NAV1: variants seen among roughly 807,000 people sequenced by gnomAD.
The protein encoded by NAV1 is neuron navigator 1.
NAV1 carries 18 observed loss-of-function variants against 175.2 expected under a neutral mutation model. The ratio of observed to expected loss-of-function variants is 0.10; its 90% CI spans 0.07 to 0.15. The LOEUF is 0.15. Ranked by LOEUF, NAV1 falls within the 10% of genes least tolerant of loss-of-function variation. The probability of loss-of-function intolerance (pLI) is 1.00; values close to 1 mark genes in which losing one functional copy is unlikely to be tolerated. For synonymous variants in NAV1, 897 were observed against 978.7 expected, an observed-to-expected ratio of 0.92 and a Z score of 1.56; for missense variants, 1,731 against 2,436.6, an observed-to-expected ratio of 0.71 and a Z score of 6.10.
chr1:201,782,818 C>A lies in NAV1; in HGVS notation c.2306C>A (p.Ala769Glu), dbSNP rs1676420276. Residue 769 changes from alanine to glutamate, a missense_variant, in exon 6 of 30, where the codon GCA becomes GAA. By Grantham distance (107) the Ala-to-Glu change is moderately radical. Around this residue, in one of 13 missense-constraint regions of NAV1, gnomAD observed 634 missense variants for 766.8 expected, o/e 0.83. Transcript: ENST00000367296. The surrounding 1 kb of genome is among the most constrained non-coding windows in gnomAD (Gnocchi z 5.4). Reference sequence around the variant, plus strand: ...CCAGAAAGTACTCCCAAGAACCAAGCAAGCCACCCCACAGCCACCAAGCTG... The same window carrying A: ...CCAGAAAGTACTCCCAAGAACCAAGAAAGCCACCCCACAGCCACCAAGCTG... 1 of 1,605,062 alleles carries A rather than the reference C, an allele frequency of 6.2e-7. No homozygotes were observed. Among genetic ancestry groups the A allele is most frequent in the Non-Finnish European group, 8.5e-7 (1 of 1,174,266 alleles).
At chr1:201,672,381 C>T (rs778736850) in intron 1 of NAV1, among the ~76,000 whole-genome samples, 3 of 152,168 alleles carry the variant, frequency 2.0e-5, no homozygotes, top group Non-Finnish European at 2.9e-5. Context: ...TGAAAAGTCC[C>T]TGGCCTAAAA....
intron 2 of NAV1, among the ~76,000 whole-genome samples, chr1:201,608,457 T>C (rs1195248962): frequency 6.6e-6 from 1 of 152,176 alleles, no homozygotes; most frequent in Non-Finnish European, 1.5e-5. Context: ...GATCAGCCCT[T>C]CAAGGCAGAG....
intron 1 of NAV1, among the ~76,000 whole-genome samples, chr1:201,707,553 T>A (rs1051193519): frequency 6.6e-6 from 1 of 152,220 alleles, no homozygotes; most frequent in Non-Finnish European, 1.5e-5. Flanking sequence ...AAGGACTATG[T>A]TCTTGCCACT....
At chr1:201,665,515 T>A (rs1476080167) in intron 1 of NAV1, among the ~76,000 whole-genome samples, 1 of 151,974 alleles carries the variant, frequency 6.6e-6, no homozygotes, top group Non-Finnish European at 1.5e-5. Flanking sequence ...AGATGCAGAA[T>A]AATCTTTGAA....
chr1:201,606,662 T>A (rs1027544079), intron 2 of NAV1, among the ~76,000 whole-genome samples: 1 of 152,238 alleles, frequency 6.6e-6, no homozygotes, highest in Non-Finnish European at 1.5e-5. Context: ...AGTTCACTTG[T>A]TATTATCTGT....
chr1:201,646,595 A>G (rs1318848561), upstream of NAV1, among the ~76,000 whole-genome samples: 1 of 151,752 alleles, frequency 6.6e-6, no homozygotes, highest in Admixed American at 6.6e-5. Flanking sequence ...CTTACCAAAC[A>G]CTTCTCTGCT....
At chr1:201,798,613 A>C (rs892377743) in intron 15 of NAV1, 2 of 149,880 alleles carry the variant, frequency 1.3e-5, no homozygotes, top group African/African-American at 2.4e-5. Flanking sequence ...GGTTTCAAAA[A>C]AAAAAAAAAA....
At chr1:201,734,509 A>AGAAGAC (rs1234569563) in intron 3 of NAV1, among the ~76,000 whole-genome samples, 1 of 151,034 alleles carries the variant, frequency 6.6e-6, no homozygotes, top group African/African-American at 2.4e-5. Context: ...GAGAAGAAGA[A>AGAAGAC]GAAGAAGAAG....
chr1:201,547,894 G>A (rs1017657320), intron 1 of NAV1, among the ~76,000 whole-genome samples: 4 of 152,004 alleles, frequency 2.6e-5, no homozygotes, highest in African/African-American at 9.7e-5. Flanking sequence ...TCCCAGGTTC[G>A]AGCAATTCTC....
chr1:201,629,606 C>T (rs1668429997), intron 2 of NAV1, 99 bp downstream of exon 4: 1 of 700,252 alleles, frequency 1.4e-6, no homozygotes, highest in Admixed American at 3.7e-5. Flanking sequence ...ATGGGTCCAT[C>T]TCTTGACAAG....
chr1:201,596,813 T>TGTTTG (rs574930883), intron 2 of NAV1, among the ~76,000 whole-genome samples: 3 of 151,444 alleles, frequency 2.0e-5, no homozygotes, highest in Admixed American at 6.6e-5. Context: ...TTTGTTTGTT[T>TGTTTG]TTTGTTTGTT....
chr1:201,809,820 C>A, intron 22 of NAV1, 126 bp from the exon 27 acceptor site: 1 of 969,478 alleles, frequency 1.0e-6, no homozygotes, highest in Non-Finnish European at 1.5e-6. Context: ...GAAATGCTAC[C>A]TAGGAAAAGC....
intron 1 of NAV1, among the ~76,000 whole-genome samples, chr1:201,706,021 G>A (rs898720929): frequency 3.3e-5 from 5 of 152,138 alleles, no homozygotes; most frequent in African/African-American, 1.2e-4. Context: ...ACTGAGGTGG[G>A]CCTGCAATGC....
intron 3 of NAV1, among the ~76,000 whole-genome samples, chr1:201,771,696 G>A (rs1458640948): frequency 2.0e-5 from 3 of 151,956 alleles, no homozygotes; most frequent in Non-Finnish European, 4.4e-5. Flanking sequence ...CAAGACTCAG[G>A]AAGAAGCAGA....
chr1:201,629,552 TG>T (rs1668428791), intron 2 of NAV1, 45 bp downstream of exon 4: 6 of 1,251,236 alleles, frequency 4.8e-6, no homozygotes, highest in Non-Finnish European at 4.2e-6. Flanking sequence ...GGGAGGCCAC[TG>T]TGCTAGAGCT....
At chr1:201,722,883 A>G (rs1339379439) in intron 3 of NAV1, among the ~76,000 whole-genome samples, 5 of 152,206 alleles carry the variant, frequency 3.3e-5, no homozygotes, top group African/African-American at 1.2e-4. Context: ...GGTTGGGTAG[A>G]TCACTTGAGG....
At chr1:201,774,606 C>A in intron 3 of NAV1, among the ~76,000 whole-genome samples, 1 of 152,072 alleles carries the variant, frequency 6.6e-6, no homozygotes, top group South Asian at 2.1e-4. Flanking sequence ...GCCCGGGCAA[C>A]ATAGCAAGAC....
chr1:201,557,339 T>C (rs947040961), intron 1 of NAV1, among the ~76,000 whole-genome samples: 1 of 152,186 alleles, frequency 6.6e-6, no homozygotes, highest in African/African-American at 2.4e-5. Context: ...TTGTCCAATG[T>C]CCTTCAGCAC....
chr1:201,688,362 T>C (rs1403496451), intron 1 of NAV1: 2 of 152,172 alleles, frequency 1.3e-5, no homozygotes, highest in Admixed American at 1.3e-4. Context: ...GTCTCCCTAC[T>C]CCCATGGAAT....
Sources: allele counts gnomAD v4.1 joint callset (sites outside exome capture counted in the v4.1 genomes callset), GRCh38; gene constraint gnomAD v4.1.1; regional missense constraint gnomAD v4.1.1; non-coding constraint Gnocchi (gnomAD v3.1); transcripts MANE v1.5; gene names NCBI Gene and HGNC (gene_info 2026-07-23, HGNC 2026-07-21).